OXR1: variants seen among roughly 807,000 people sequenced by gnomAD.
The protein encoded by OXR1 is oxidation resistance protein 1.
In OXR1, 41 loss-of-function variants were observed where a neutral mutation model predicts 104.6. The ratio of observed to expected loss-of-function variants is 0.39; its 90% CI spans 0.31 to 0.51. OXR1 has a LOEUF of 0.51. Ranked by LOEUF, OXR1 falls within the 20% of genes least tolerant of loss-of-function variation. OXR1 has a pLI of 0.77. For missense variants in OXR1, 955 were observed against 1,031.9 expected (o/e 0.93, Z 1.02); for synonymous variants, 348 against 348.4 (o/e 1.00, Z 0.01).
At chr8:106,333,598 T>C (rs1247441830) in intron 1 of OXR1, among the ~76,000 whole-genome samples, 1 of 152,112 alleles carries the variant, frequency 6.6e-6, no homozygotes, top group Non-Finnish European at 1.5e-5. Context: ...TCTTCTAAGA[T>C]TGTCGTAGTT....
At chr8:106,595,725 TCCCACATG>T (rs1179721139) in intron 3 of OXR1, among the ~76,000 whole-genome samples, 17 of 152,254 alleles carry the variant, frequency 1.1e-4, no homozygotes, top group African/African-American at 4.1e-4. Flanking sequence ...TTGTAAATAA[TCCCACATG>T]CCTCATAGAG....
Position 106,420,730 on chromosome 8 carries a change from T to TTGTGTGTGTGTGTGTGTG in OXR1, c.23+61106_23+61123dup, listed in dbSNP as rs6150748. On this transcript the variant is annotated intron_variant, in intron 2 of 16. Coordinates refer to ENST00000517566, the MANE Select transcript of OXR1 (RefSeq NM_001198533.2). ...CATGCTCTGACAATGCATTAAAATA[T>TTGTGTGTGTGTGTGTGTG]TGTGTGTGTGTGTGTGTGTGTGTGT... Among the ~76,000 whole-genome samples the TTGTGTGTGTGTGTGTGTG allele has an allele frequency of 2.3e-3, 339 of 147,282 alleles. 3 individuals carry two copies. Among genetic ancestry groups the TTGTGTGTGTGTGTGTGTG allele is most frequent in the African/African-American group, 8.2e-3 (328 of 40,040 alleles).
At chr8:106,439,609 A>G (rs1216485725) in intron 2 of OXR1, among the ~76,000 whole-genome samples, 1 of 152,100 alleles carries the variant, frequency 6.6e-6, no homozygotes, top group East Asian at 1.9e-4. Context: ...ATGTAGCTAA[A>G]GGCATGTGCT....
Position 106,698,106 on chromosome 8 carries a change from C to G in OXR1, c.676-4800C>G, listed in dbSNP as rs1830243088. ...AATGGCTGCAGCTGCCGAGCTTCTT[C>G]TTACATGCTTATTTTCTACCCAGAT... On this transcript the variant is annotated intron_variant, in intron 7 of 16. Coordinates refer to ENST00000517566, the MANE Select transcript of OXR1 (RefSeq NM_001198533.2). 2.4e-5 allele frequency: 18 copies of G among 755,670 alleles called. No individual in the cohort carries two copies. The South Asian group carries it at 2.8e-4, about 12-fold the overall frequency. The allele number at this position is 755,670 out of a possible 1,614,324, so 46.8% of individuals were successfully genotyped here.
At chr8:106,563,018 A>C (rs746799656) in intron 3 of OXR1, among the ~76,000 whole-genome samples, 72 of 152,194 alleles carry the variant, frequency 4.7e-4, no homozygotes, top group Non-Finnish European at 7.8e-4. Flanking sequence ...TGCAAAAAGA[A>C]GCCAAAATGT....
At chr8:106,318,970 G>A (rs1814099153) in intron 1 of OXR1, among the ~76,000 whole-genome samples, 1 of 152,120 alleles carries the variant, frequency 6.6e-6, no homozygotes, top group Non-Finnish European at 1.5e-5. Context: ...CAATCTTATT[G>A]CTTAAGTGGA....
At chr8:106,521,903 G>A (rs7813598) in intron 3 of OXR1, among the ~76,000 whole-genome samples, 14,011 of 152,082 alleles carry the variant, frequency 0.092, 748 homozygotes, top group Non-Finnish European at 0.11. Flanking sequence ...GCCAACGAAC[G>A]AACCCGTCTA....
intron 3 of OXR1, among the ~76,000 whole-genome samples, chr8:106,616,924 C>A (rs757106249): frequency 5.1e-4 from 78 of 152,072 alleles, no homozygotes; most frequent in Non-Finnish European, 6.9e-4. Flanking sequence ...TGATCTCTGC[C>A]CTCAAATAAA....
At chr8:106,292,381 A>G (rs1374186480) in intron 1 of OXR1, among the ~76,000 whole-genome samples, 1 of 152,206 alleles carries the variant, frequency 6.6e-6, no homozygotes, top group African/African-American at 2.4e-5. Context: ...ATTGTGGAGA[A>G]GGAAAACAAA....
At position 106,703,089 on chromosome 8, in the gene OXR1, A is replaced by C; in HGVS notation, c.859A>C (p.Ile287Leu). The change falls in exon 8 of 17, where the codon ATA becomes CTA. Residue 287 changes from isoleucine (I) to leucine (L), a missense_variant and splice_region_variant. By Grantham distance (5) the Ile-to-Leu change is conservative. Around this residue, in one of 2 missense-constraint regions of OXR1, gnomAD observed 849 missense variants for 852.9 expected, o/e 1.00. Coordinates refer to ENST00000517566, the MANE Select transcript of OXR1 (RefSeq NM_001198533.2). ...LDSKIKESLP[I>L]DIDQLSGRDF... The stretch of plus-strand genomic sequence containing the variant: ...TAGCAAAATAAAGGAATCTTTACCC[A>C]TGTAAGAGTGATATTTATATTCCTT... The C allele has an allele frequency of 1.3e-6, 2 of 1,599,274 alleles. No individual in the cohort carries two copies. The highest frequency in any genetic ancestry group is 1.7e-6 in the Non-Finnish European group (2 of 1,167,546).
At chr8:106,384,471 G>A (rs561153992) in intron 2 of OXR1, among the ~76,000 whole-genome samples, 1 of 152,290 alleles carries the variant, frequency 6.6e-6, no homozygotes, top group South Asian at 2.1e-4. Flanking sequence ...AACACTGTGT[G>A]AGGAAGGAAA....
At chr8:106,438,827 C>G (rs1175876903) in intron 2 of OXR1, among the ~76,000 whole-genome samples, 1 of 152,080 alleles carries the variant, frequency 6.6e-6, no homozygotes, top group African/African-American at 2.4e-5. Flanking sequence ...TAGCACTACT[C>G]CGCTTCCCAT....
intron 2 of OXR1, among the ~76,000 whole-genome samples, chr8:106,408,870 G>A (rs6469065): frequency 0.23 from 34,562 of 152,010 alleles, 5,583 homozygotes; most frequent in African/African-American, 0.44. Flanking sequence ...TGGAGGCACA[G>A]TGCCAAAAAC....
intron 3 of OXR1, among the ~76,000 whole-genome samples, chr8:106,565,221 GA>G (rs1816979769): frequency 6.6e-6 from 1 of 152,164 alleles, no homozygotes; most frequent in South Asian, 2.1e-4. Context: ...TGTATATTTA[GA>G]AAACCCTATT....
At chr8:106,559,575 CT>C (rs1456643544) in intron 3 of OXR1, among the ~76,000 whole-genome samples, 49 of 152,248 alleles carry the variant, frequency 3.2e-4, no homozygotes, top group African/African-American at 1.2e-3. Flanking sequence ...AAAAACAATA[CT>C]GTAAAACCAT....
intron 2 of OXR1, among the ~76,000 whole-genome samples, chr8:106,440,297 G>T (rs1819732346): frequency 6.6e-6 from 1 of 152,074 alleles, no homozygotes. Flanking sequence ...GGACAGTTGT[G>T]CTCAGTGCTG....
At chr8:106,524,781 T>A (rs10096978) in intron 3 of OXR1, among the ~76,000 whole-genome samples, 3,336 of 151,996 alleles carry the variant, frequency 0.022, 135 homozygotes, top group African/African-American at 0.075. Flanking sequence ...GAGGGTGGTG[T>A]GTAATGAATG....
At chr8:106,675,108 T>C (rs961299444) in intron 3 of OXR1, among the ~76,000 whole-genome samples, 1 of 152,190 alleles carries the variant, frequency 6.6e-6, no homozygotes, top group African/African-American at 2.4e-5. Flanking sequence ...AGTTTAATTT[T>C]CCAGGAAGAT....
At chr8:106,616,113 C>T (rs565613270) in intron 3 of OXR1, among the ~76,000 whole-genome samples, 16 of 144,216 alleles carry the variant, frequency 1.1e-4, no homozygotes, top group African/African-American at 4.1e-4. Context: ...GCGATCTCAG[C>T]TCACTGCAAG....
Sources: allele counts gnomAD v4.1 joint callset (sites outside exome capture counted in the v4.1 genomes callset), GRCh38; gene constraint gnomAD v4.1.1; regional missense constraint gnomAD v4.1.1; transcripts MANE v1.5; gene names NCBI Gene and HGNC (gene_info 2026-07-23, HGNC 2026-07-21).